Variants in SV2B observed in about 807,000 individuals in gnomAD.
SV2B encodes the protein solute carrier family 22 member B2.
In SV2B, 41 loss-of-function variants were observed where a neutral mutation model predicts 73.9. That is an observed-to-expected ratio of 0.56 (90% CI 0.43 to 0.72). The LOEUF is 0.72. Among genes scored for constraint, SV2B ranks in the 30% least tolerant of loss-of-function variants. The pLI is 0.00. For missense variants in SV2B, 764 were observed against 857.8 expected (o/e 0.89, Z 1.37); for synonymous variants, 314 against 314.2 (o/e 1.00, Z 0.01).
At chr15:91,134,909 T>C (rs1035073078) in intron 1 of SV2B, among the ~76,000 whole-genome samples, 2 of 152,200 alleles carry the variant, frequency 1.3e-5, no homozygotes, top group African/African-American at 4.8e-5. Flanking sequence ...TTCGTTCTAA[T>C]GCAGAGGTGG....
rs1567439865 is a variant in SV2B, at chr15:91,290,368, C to T, written c.1868+688C>T. Among the ~76,000 whole-genome samples, 1 of 152,160 alleles carries T rather than the reference C, an allele frequency of 6.6e-6. No individual in the cohort carries two copies. The highest frequency in any genetic ancestry group is 2.4e-5 in the African/African-American group (1 of 41,442). On this transcript the variant is annotated intron_variant, in intron 12 of 12. Transcript: ENST00000394232. The surrounding 1 kb of genome is among the most constrained non-coding windows in gnomAD (Gnocchi z 4.7). Reference sequence around the variant, plus strand: ...GACAGAGGTATTGGGATATAGATAACTAAGGAAGAGCACAACGTGTCATAT... The same window carrying T: ...GACAGAGGTATTGGGATATAGATAATTAAGGAAGAGCACAACGTGTCATAT...
At chr15:91,250,174 G>A (rs2047428362) in intron 2 of SV2B, among the ~76,000 whole-genome samples, 1 of 152,164 alleles carries the variant, frequency 6.6e-6, no homozygotes, top group Admixed American at 6.5e-5. Flanking sequence ...CCATGATCAA[G>A]TGAGATTCGT....
intron 1 of SV2B, among the ~76,000 whole-genome samples, chr15:91,127,640 G>A (rs2042524967): frequency 2.0e-5 from 3 of 152,132 alleles, no homozygotes; most frequent in Admixed American, 1.3e-4. Context: ...AGTCACAGAA[G>A]GGGCCCAGGG....
chr15:91,114,740 G>T (rs1377985390), intron 1 of SV2B, among the ~76,000 whole-genome samples: 1 of 152,182 alleles, frequency 6.6e-6, no homozygotes, highest in East Asian at 1.9e-4. Context: ...TCCAGGGAAA[G>T]CTTCAGGAAA....
chr15:91,286,671 A>G (rs971962239), intron 11 of SV2B, among the ~76,000 whole-genome samples: 1 of 152,200 alleles, frequency 6.6e-6, no homozygotes, highest in Non-Finnish European at 1.5e-5. Flanking sequence ...CAATATTAAC[A>G]CATGGAACCC....
chr15:91,263,139 CAG>C (rs1420746031), intron 6 of SV2B, among the ~76,000 whole-genome samples: 8 of 152,150 alleles, frequency 5.3e-5, no homozygotes, highest in African/African-American at 1.9e-4. Context: ...CACACAGACA[CAG>C]GGACACACGG....
rs555100739 is a variant in SV2B, at chr15:91,231,622, C to G, written c.451+4908C>G. On this transcript the variant is annotated intron_variant, in intron 2 of 12. Transcript: ENST00000394232. This position sits in a 1 kb window ranked among gnomAD's most constrained non-coding sequence, Gnocchi z 4.5. Reference sequence around the variant, plus strand: ...TCTGCCTGCATTTGATAAATTGACACCAATTTTTCACAACTGCAAATAAGC... The same window carrying G: ...TCTGCCTGCATTTGATAAATTGACAGCAATTTTTCACAACTGCAAATAAGC... Among the ~76,000 whole-genome samples the G allele has an allele frequency of 1.3e-5, 2 of 152,120 alleles. No individual in the cohort carries two copies. The highest frequency in any genetic ancestry group is 4.1e-4 in the South Asian group (2 of 4,822).
intron 1 of SV2B, among the ~76,000 whole-genome samples, chr15:91,147,198 G>A (rs753595886): frequency 6.6e-6 from 1 of 152,288 alleles, no homozygotes; most frequent in South Asian, 2.1e-4. Context: ...GAATGTGAAC[G>A]TATCAGCCAG....
At chr15:91,143,682 C>T (rs1312328828) in intron 1 of SV2B, among the ~76,000 whole-genome samples, 1 of 151,572 alleles carries the variant, frequency 6.6e-6, no homozygotes, top group Non-Finnish European at 1.5e-5. Context: ...GGTGCAGACC[C>T]ATTTGATGAG....
In SV2B at chr15:91,252,633, T is replaced by G; in HGVS notation, c.784+113T>G. 1 of 1,143,668 alleles carries G rather than the reference T, an allele frequency of 8.7e-7. No individual in the cohort carries two copies. The highest frequency in any genetic ancestry group is 1.1e-6 in the Non-Finnish European group (1 of 886,780). 70.8% of individuals were successfully genotyped at this position (1,143,668 alleles called of 1,614,324 possible). A position where few individuals can be genotyped will look rare whatever the true frequency, so the allele number is the denominator to read the frequency against. ...TGTACTCACGCACAGTTCCCGTACG[T>G]GACCTTGATCTTTCTTAACAACTTC... On this transcript the variant is annotated intron_variant, in intron 4 of 12. Transcript: ENST00000394232. This position sits in a 1 kb window ranked among gnomAD's most constrained non-coding sequence, Gnocchi z 4.6.
In SV2B at chr15:91,197,771, C is replaced by T. The variant is rs1206306900; in HGVS notation, c.-391-28102C>T. 2.0e-5 allele frequency among the ~76,000 whole-genome samples: 3 copies of T among 152,120 alleles called. No homozygotes were observed. The highest frequency in any genetic ancestry group is 6.5e-5 in the Admixed American group (1 of 15,278). On this transcript the variant is annotated intron_variant, in intron 1 of 12. Transcript: ENST00000394232. This position sits in a 1 kb window ranked among gnomAD's most constrained non-coding sequence, Gnocchi z 4.9. ...ATATGCAGCCAGGCCCGGTGGCCCA[C>T]GCCTGTAATCCCAGCACTTTGGGAG... is the stretch of plus-strand genomic sequence containing the variant.
intron 6 of SV2B, among the ~76,000 whole-genome samples, chr15:91,266,325 C>T (rs2048099470): frequency 6.6e-6 from 1 of 152,222 alleles, no homozygotes; most frequent in African/African-American, 2.4e-5. Context: ...TATTTCCCTT[C>T]TGCTGTCTCC....
rs1596659909 is a variant in SV2B, at chr15:91,240,471, A to G, written c.452-11348A>G. Among the ~76,000 whole-genome samples, 2 of 152,162 alleles carry G rather than the reference A, an allele frequency of 1.3e-5. No homozygotes were observed. The highest frequency in any genetic ancestry group is 2.9e-5 in the Non-Finnish European group (2 of 68,022). On this transcript the variant is annotated intron_variant, in intron 2 of 12. Transcript: ENST00000394232. This position sits in a 1 kb window ranked among gnomAD's most constrained non-coding sequence, Gnocchi z 4.6. ...TCACGGGCTTGTTTACTGATGAACA[A>G]GAGGTGTTAGTCCCTCCTGTCCTGT...
At chr15:91,221,658 C>T (rs546858701) in intron 1 of SV2B, among the ~76,000 whole-genome samples, 1 of 143,778 alleles carries the variant, frequency 7.0e-6, no homozygotes, top group South Asian at 2.2e-4. Context: ...TTGTCCAGGC[C>T]TCACCTCACC....
In SV2B at chr15:91,258,286, G is replaced by A. The variant is rs2141640762; in HGVS notation, c.785-135G>A. 1 of 1,229,178 alleles carries A rather than the reference G, an allele frequency of 8.1e-7. No individual in the cohort carries two copies. Among genetic ancestry groups the A allele is most frequent in the South Asian group, 1.7e-5 (1 of 59,224 alleles). 76.1% of individuals were successfully genotyped at this position (1,229,178 alleles called of 1,614,324 possible). On this transcript the variant is annotated intron_variant, in intron 4 of 12. Transcript: ENST00000394232. This position sits in a 1 kb window ranked among gnomAD's most constrained non-coding sequence, Gnocchi z 4.7. ...TCAGAAGCTTCGGAGGCACAGCTGAGGAGTCTGCATTTTAACCACCTCCCC... is the reference window on the plus strand; with the variant it reads ...TCAGAAGCTTCGGAGGCACAGCTGAAGAGTCTGCATTTTAACCACCTCCCC...
intron 1 of SV2B, among the ~76,000 whole-genome samples, chr15:91,142,286 TG>T (rs2043019004): frequency 1.3e-5 from 2 of 152,308 alleles, no homozygotes; most frequent in Admixed American, 1.3e-4. Context: ...TTACCTCTTT[TG>T]CTACCTTTTC....
At chr15:91,199,210 C>G (rs1017753811) in intron 1 of SV2B, among the ~76,000 whole-genome samples, 6 of 152,102 alleles carry the variant, frequency 3.9e-5, no homozygotes, top group Non-Finnish European at 8.8e-5. Context: ...GAGTAAACCT[C>G]AATAAGTCTT....
At chr15:91,186,265 A>G (rs755835459) in intron 1 of SV2B, among the ~76,000 whole-genome samples, 6 of 151,780 alleles carry the variant, frequency 4.0e-5, no homozygotes, top group Non-Finnish European at 1.5e-5. Flanking sequence ...GCTCAATGTC[A>G]TAAACATTTT....
Position 91,280,885 on chromosome 15 carries a change from A to G in SV2B, c.1374-843A>G, listed in dbSNP as rs576396632. Among the ~76,000 whole-genome samples the G allele has an allele frequency of 2.0e-5, 3 of 152,296 alleles. No individual in the cohort carries two copies. In the East Asian group the frequency reaches 5.8e-4, roughly 29 times the overall value. On this transcript the variant is annotated intron_variant, in intron 9 of 12. Coordinates refer to ENST00000394232, the MANE Select transcript of SV2B (RefSeq NM_001323032.3). This position sits in a 1 kb window ranked among gnomAD's most constrained non-coding sequence, Gnocchi z 5.8. ...TAGCTCTCCAGATATATTTGGAAGC[A>G]TATGTATCCATGCCCTTTCTTACCT...
Sources: gnomAD v4.1 joint callset for allele counts (sites outside exome capture counted in the v4.1 genomes callset) on GRCh38, gnomAD v4.1.1 for gene constraint, Gnocchi (gnomAD v3.1) non-coding constraint, MANE v1.5 for transcripts, NCBI Gene and HGNC (gene_info 2026-07-23, HGNC 2026-07-21) for gene names.